The following STAC3 variants were observed in gnomAD, a reference collection of about 807,000 sequenced individuals.
The protein encoded by STAC3 is SH3 and cysteine-rich domain-containing protein 3.
A neutral mutation model predicts 48.5 loss-of-function variants in STAC3; 30 were observed. That is an observed-to-expected ratio of 0.62 (90% CI 0.46 to 0.84). STAC3 has a LOEUF of 0.84. Among genes scored for constraint, STAC3 ranks in the 40% least tolerant of loss-of-function variants. STAC3 has a pLI of 0.00. For synonymous variants in STAC3, 144 were observed against 158.6 expected, an observed-to-expected ratio of 0.91 and a Z score of 0.69; for missense variants, 419 against 462.6, an observed-to-expected ratio of 0.91 and a Z score of 0.86.
chr12:57,250,812 C>T (rs937164353), intron 1 of STAC3, among the ~76,000 whole-genome samples, 181 bp downstream of exon 1: 47 of 139,136 alleles, frequency 3.4e-4, no homozygotes, highest in Non-Finnish European at 5.5e-4. Context: ...TTCCCTTCAC[C>T]CCACCCCCAC....
chr12:57,251,110 C>T lies in STAC3; in HGVS notation c.-119G>A. On this transcript the variant is annotated 5_prime_UTR_variant, in exon 1 of 12. Coordinates refer to ENST00000332782, the MANE Select transcript of STAC3 (RefSeq NM_145064.3). Reference sequence around the variant, plus strand: ...CCTTGGGGGCTAAGCCCCCCCAGTACCCCCTGTGTTCACACCAGCTACCCA... The same window carrying T: ...CCTTGGGGGCTAAGCCCCCCCAGTATCCCCTGTGTTCACACCAGCTACCCA... 1 of 452,028 alleles carries T rather than the reference C, an allele frequency of 2.2e-6. No individual in the cohort carries two copies. The highest frequency in any genetic ancestry group is 2.4e-5 in the Admixed American group (1 of 42,438). The allele number at this position is 452,028 out of a possible 1,614,324, so 28.0% of individuals were successfully genotyped here. A position where few individuals can be genotyped will look rare whatever the true frequency, so the allele number is the denominator to read the frequency against.
At chr12:57,245,445 C>G (rs1212222957) in intron 6 of STAC3, among the ~76,000 whole-genome samples, 2 of 151,312 alleles carry the variant, frequency 1.3e-5, no homozygotes, top group African/African-American at 2.4e-5. Flanking sequence ...AATCTTGGCT[C>G]AGTGCCAGCT....
Position 57,249,320 on chromosome 12 carries a change from A to T in STAC3, c.67-12T>A. Reference sequence around the variant, plus strand: ...TTTAGCCGCTGTAGCTGAGGGAGGGAGTGAAGAAAACCCAATGTTAAAAGG... The same window carrying T: ...TTTAGCCGCTGTAGCTGAGGGAGGGTGTGAAGAAAACCCAATGTTAAAAGG... On this transcript the variant is annotated splice_polypyrimidine_tract_variant and intron_variant, in intron 2 of 11. Coordinates refer to ENST00000332782, the MANE Select transcript of STAC3 (RefSeq NM_145064.3). 6.4e-7 allele frequency: 1 copy of T among 1,563,182 alleles called. No homozygotes were observed. Among genetic ancestry groups the T allele is most frequent in the Non-Finnish European group, 8.7e-7 (1 of 1,154,940 alleles).
intron 5 of STAC3, 48 bp from the exon 6 acceptor site, chr12:57,246,949 A>G: frequency 6.4e-7 from 1 of 1,574,096 alleles, no homozygotes; most frequent in Non-Finnish European, 8.7e-7. Context: ...AGGCAGAGAA[A>G]GGCTTGGAGG....
intron 4 of STAC3, among the ~76,000 whole-genome samples, 170 bp downstream of exon 4, chr12:57,248,536 G>T (rs1336468936): frequency 6.6e-6 from 1 of 152,032 alleles, no homozygotes; most frequent in Non-Finnish European, 1.5e-5. Context: ...CTGTCACCAC[G>T]CCCGGCTAAT....
In STAC3 at chr12:57,244,975, G is replaced by A. The variant is rs983045607; in HGVS notation, c.671-10C>T. 1 of 1,614,094 alleles carries A rather than the reference G, an allele frequency of 6.2e-7. No individual in the cohort carries two copies. The highest frequency in any genetic ancestry group is 1.1e-5 in the South Asian group (1 of 91,082). On this transcript the variant is annotated splice_polypyrimidine_tract_variant and intron_variant, in intron 7 of 11. Coordinates refer to ENST00000332782, the MANE Select transcript of STAC3 (RefSeq NM_145064.3). ...TCCCCTTCAGGGTTTCCTGGGATAG[G>A]AAACACCAACAAATTGTCTGTCTCC... is the stretch of plus-strand genomic sequence containing the variant.
chr12:57,248,306 A>G, intron 4 of STAC3, 108 bp from the exon 5 acceptor site: 2 of 929,188 alleles, frequency 2.2e-6, no homozygotes, highest in South Asian at 1.3e-5. Context: ...GGGCTGAGAA[A>G]GAAAAAGCAG....
intron 8 of STAC3, 101 bp from the exon 9 acceptor site, chr12:57,244,723 C>T (rs2037690065): frequency 1.4e-6 from 2 of 1,466,624 alleles, no homozygotes; most frequent in Non-Finnish European, 9.5e-7. Flanking sequence ...TACACTCCAA[C>T]TCTCTTCTAG....
Position 57,244,169 on chromosome 12 carries a change from C to T in STAC3, c.915G>A (p.Arg305=), listed in dbSNP as rs1423958982. Residue 305 remains arginine (R), a synonymous_variant, in exon 11 of 12, where the codon CGG becomes CGA. Coordinates refer to ENST00000332782, the MANE Select transcript of STAC3 (RefSeq NM_145064.3). The part of the protein sequence containing the change: ...FFPPNFIIRV[R]AGERVHRVTR... Reference sequence around the variant, plus strand: ...TCACGCGGTGCACACGTTCTCCAGCCCGGACCCGAATGATGAAGTTTGGAG... The same window carrying T: ...TCACGCGGTGCACACGTTCTCCAGCTCGGACCCGAATGATGAAGTTTGGAG... 2 of 1,614,148 alleles carry T rather than the reference C, an allele frequency of 1.2e-6. No individual in the cohort carries two copies. Among genetic ancestry groups the T allele is most frequent in the Admixed American group, 1.7e-5 (1 of 60,022 alleles).
intron 6 of STAC3, among the ~76,000 whole-genome samples, chr12:57,245,651 T>C (rs1565780971): frequency 1.3e-5 from 2 of 151,330 alleles, no homozygotes; most frequent in East Asian, 4.0e-4. Context: ...ATTACAGGCG[T>C]GACCCACTGT....
chr12:57,249,131 G>T lies in STAC3; in HGVS notation c.244C>A (p.Pro82Thr), dbSNP rs762682073. 1 of 1,613,988 alleles carries T rather than the reference G, an allele frequency of 6.2e-7. No homozygotes were observed. The highest frequency in any genetic ancestry group is 1.1e-5 in the South Asian group (1 of 91,068). Residue 82 changes from proline to threonine, a missense_variant, in exon 3 of 12, where the codon CCT becomes ACT. Pro to Thr is a conservative substitution (Grantham distance 38, BLOSUM62 -1). Transcript: ENST00000332782. ...EEEEEPPPEP[P>T]KLVNDKPHKF... ...TGGGGCTTATCGTTGACCAGCTTAG[G>T]AGGTTCTGGGGGTGGCTCCTCCTCC...
chr12:57,250,214 A>G (rs1034181332), intron 1 of STAC3, among the ~76,000 whole-genome samples: 1 of 151,448 alleles, frequency 6.6e-6, no homozygotes, highest in African/African-American at 2.4e-5. Context: ...ACATGGTGAA[A>G]CCCCATCTCT....
At chr12:57,248,666 C>G in intron 4 of STAC3, 40 bp downstream of exon 4, 1 of 1,524,574 alleles carries the variant, frequency 6.6e-7, no homozygotes, top group Non-Finnish European at 9.1e-7. Flanking sequence ...AGCCACCACG[C>G]GTGGCCATGT....
rs886451623 is a variant in STAC3, at chr12:57,243,992, G to C, written c.997-82C>G. ...ACAGCAGGGGAGCCGGGGTTTACAG[G>C]GGCTCACCCTAGTCTTATTAATGGT... On this transcript the variant is annotated intron_variant, in intron 11 of 11. Coordinates refer to ENST00000332782, the MANE Select transcript of STAC3 (RefSeq NM_145064.3). 1.0e-5 allele frequency: 16 copies of C among 1,606,628 alleles called. No individual in the cohort carries two copies. The Admixed American group carries it at 1.5e-4, about 15-fold the overall frequency.
chr12:57,248,794 T>C lies in STAC3; in HGVS notation c.344A>G (p.Lys115Arg). 1 of 1,614,018 alleles carries C rather than the reference T, an allele frequency of 6.2e-7. No homozygotes were observed. The highest frequency in any genetic ancestry group is 8.5e-7 in the Non-Finnish European group (1 of 1,179,904). ...VCARMIVLNN[K>R]FGLRCKNCKT... ...GCAGTTCTTACAGCGAAGCCCAAACTTGTTGTTGACTTGGGAAAGGGGGAG... is the reference window on the plus strand; with the variant it reads ...GCAGTTCTTACAGCGAAGCCCAAACCTGTTGTTGACTTGGGAAAGGGGGAG... Residue 115 changes from lysine to arginine, a missense_variant, in exon 4 of 12, where the codon AAG becomes AGG. Coordinates refer to ENST00000332782, the MANE Select transcript of STAC3 (RefSeq NM_145064.3).
In STAC3 at chr12:57,243,533, T is replaced by G; in HGVS notation, c.*279A>C. On this transcript the variant is annotated 3_prime_UTR_variant, in exon 12 of 12. Transcript: ENST00000332782. The stretch of plus-strand genomic sequence containing the variant: ...CCCTCGCCCCCGCCCCCCGCCCCAG[T>G]CCCTGGCTCCTCCTAGTAGATACGC... 2 of 412,660 alleles carry G rather than the reference T, an allele frequency of 4.8e-6. No homozygotes were observed. The highest frequency in any genetic ancestry group is 9.4e-6 in the Non-Finnish European group (2 of 213,754). 25.6% of individuals were successfully genotyped at this position (412,660 alleles called of 1,614,324 possible).
chr12:57,250,625 G>T (rs1357421899), intron 1 of STAC3, among the ~76,000 whole-genome samples: 1 of 152,106 alleles, frequency 6.6e-6, no homozygotes, highest in Non-Finnish European at 1.5e-5. Context: ...CTCTTCAAGA[G>T]GTTTAATGTG....
chr12:57,243,559 G>C lies in STAC3; in HGVS notation c.*253C>G. 1.5e-6 allele frequency: 1 copy of C among 674,594 alleles called. No individual in the cohort carries two copies. The highest frequency in any genetic ancestry group is 2.7e-6 in the Non-Finnish European group (1 of 369,928). The allele number at this position is 674,594 out of a possible 1,614,324, so 41.8% of individuals were successfully genotyped here. ...CCCTGGCTCCTCCTAGTAGATACGC[G>C]TTTTTTTCCAGCTCTTGCAAGCGGG... On this transcript the variant is annotated 3_prime_UTR_variant, in exon 12 of 12. Coordinates refer to ENST00000332782, the MANE Select transcript of STAC3 (RefSeq NM_145064.3).
At position 57,243,747 on chromosome 12, in the gene STAC3, C is replaced by A; in HGVS notation, c.*65G>T. The A allele has an allele frequency of 2.0e-6, 3 of 1,509,568 alleles. No individual in the cohort carries two copies. Among genetic ancestry groups the A allele is most frequent in the East Asian group, 4.6e-5 (2 of 43,176 alleles). The allele number at this position is 1,509,568 out of a possible 1,614,324, so 93.5% of individuals were successfully genotyped here. A position where few individuals can be genotyped will look rare whatever the true frequency, so the allele number is the denominator to read the frequency against. ...AGTCCCGTTGCTTTCGCCCCCCTCC[C>A]CAAACTCCACTGGGCCCGCCCAGAA... On this transcript the variant is annotated 3_prime_UTR_variant, in exon 12 of 12. Transcript: ENST00000332782.
Sources: allele counts gnomAD v4.1 joint callset (sites outside exome capture counted in the v4.1 genomes callset), GRCh38; gene constraint gnomAD v4.1.1; transcripts MANE v1.5; gene names NCBI Gene and HGNC (gene_info 2026-07-23, HGNC 2026-07-21).